TRPM3: variants seen among roughly 807,000 people sequenced by gnomAD.
TRPM3 encodes the protein long transient receptor potential channel 3.
In TRPM3, 77 loss-of-function variants were observed where a neutral mutation model predicts 181.2. The observed-to-expected ratio is 0.42, with a 90% CI of 0.35 to 0.51. The LOEUF (loss-of-function observed/expected upper bound fraction) is 0.51, where lower values mean the gene tolerates loss of function less well. Ranked by LOEUF, TRPM3 falls within the 20% of genes least tolerant of loss-of-function variation. The probability of loss-of-function intolerance (pLI) is 0.01; values close to 1 mark genes in which losing one functional copy is unlikely to be tolerated. For synonymous variants in TRPM3, 745 were observed against 796.4 expected, an observed-to-expected ratio of 0.94 and a Z score of 1.09; for missense variants, 1,759 against 2,196.7, an observed-to-expected ratio of 0.80 and a Z score of 3.98.
chr9:71,327,346 T>C (rs990778367), intron 1 of TRPM3, among the ~76,000 whole-genome samples: 10 of 152,214 alleles, frequency 6.6e-5, no homozygotes, highest in Non-Finnish European at 1.2e-4. Flanking sequence ...GGGGGATGTC[T>C]AACCACCTGT....
intron 1 of TRPM3, among the ~76,000 whole-genome samples, chr9:71,279,047 AAATAAAAATAAAAAT>A (rs1565414223): frequency 4.7e-5 from 6 of 127,082 alleles, no homozygotes; most frequent in East Asian, 4.1e-4. Context: ...AAAAAAATAA[AAATAAAAATAAAAAT>A]AAAAAAACCA....
chr9:71,071,325 G>C (rs913429517), intron 1 of TRPM3, among the ~76,000 whole-genome samples: 1 of 152,118 alleles, frequency 6.6e-6, no homozygotes, highest in Non-Finnish European at 1.5e-5. Flanking sequence ...TTTTATTTGA[G>C]GCACTGTATT....
chr9:71,150,106 G>T (rs17056345), intron 1 of TRPM3, among the ~76,000 whole-genome samples: 1 of 151,932 alleles, frequency 6.6e-6, no homozygotes, highest in African/African-American at 2.4e-5. Context: ...AAAAAAATTA[G>T]AGGGCAGAAA....
At chr9:71,427,831 T>C (rs963075343) in intron 1 of TRPM3, among the ~76,000 whole-genome samples, 2 of 152,166 alleles carry the variant, frequency 1.3e-5, no homozygotes, top group Non-Finnish European at 2.9e-5. Flanking sequence ...ATCTGGATGA[T>C]GGATTCAACT....
intron 6 of TRPM3, among the ~76,000 whole-genome samples, chr9:70,803,024 G>A (rs1468607419): frequency 1.5e-5 from 1 of 68,022 alleles, no homozygotes; most frequent in Non-Finnish European, 2.9e-5. Flanking sequence ...CTTGCCTGGA[G>A]AAATTTTGTA....
chr9:71,441,780 G>A (rs761598348), intron 1 of TRPM3, among the ~76,000 whole-genome samples: 37 of 151,814 alleles, frequency 2.4e-4, no homozygotes, highest in African/African-American at 8.0e-4. Context: ...CTACAGTCGC[G>A]CACTACCACC....
intron 1 of TRPM3, among the ~76,000 whole-genome samples, chr9:71,033,485 C>G (rs1443771619): frequency 2.0e-5 from 3 of 152,230 alleles, no homozygotes; most frequent in East Asian, 3.9e-4. Flanking sequence ...AATAAAGACT[C>G]AAAACACTTC....
At chr9:70,844,497 A>G (rs1028039370) in intron 4 of TRPM3, among the ~76,000 whole-genome samples, 2 of 152,192 alleles carry the variant, frequency 1.3e-5, no homozygotes, top group Non-Finnish European at 2.9e-5. Context: ...AAACTCCCCC[A>G]AAAAAGGCTG....
intron 1 of TRPM3, among the ~76,000 whole-genome samples, chr9:71,096,591 C>CTCTT (rs1491524639): frequency 2.6e-5 from 1 of 38,384 alleles, no homozygotes; most frequent in East Asian, 6.1e-4. Flanking sequence ...CACACACACA[C>CTCTT]TCTCTCTCTC....
intron 1 of TRPM3, among the ~76,000 whole-genome samples, chr9:70,972,231 AT>A (rs1321632148): frequency 3.9e-5 from 6 of 152,244 alleles, no homozygotes; most frequent in Non-Finnish European, 7.3e-5. Flanking sequence ...TTATTCAGCC[AT>A]AAAAAGGAAT....
rs564148762 is a variant in TRPM3 at position 70,921,908 on chromosome 9, G to A, written c.178-57397C>T. Among the ~76,000 whole-genome samples, 14 of 126,392 alleles carry A rather than the reference G, an allele frequency of 1.1e-4. No homozygotes were observed. The South Asian group carries it at 3.6e-3, about 32-fold the overall frequency. The allele number at this position is 126,392 out of a possible 152,430, so 82.9% of individuals were successfully genotyped here. Reference sequence around the variant, plus strand: ...CCCAACGGAGCTTTAAGATGGGTTGGCAGCCACTATACACACACACACACA... The same window carrying A: ...CCCAACGGAGCTTTAAGATGGGTTGACAGCCACTATACACACACACACACA... On this transcript the variant is annotated intron_variant, in intron 1 of 25. Transcript: ENST00000677713.
chr9:71,396,119 G>C (rs944401811), intron 1 of TRPM3, among the ~76,000 whole-genome samples: 4 of 152,100 alleles, frequency 2.6e-5, no homozygotes, highest in Admixed American at 1.3e-4. Context: ...ATTCAAGCAG[G>C]CAAGTGACAA....
chr9:71,058,627 T>C (rs1314036753), intron 1 of TRPM3, among the ~76,000 whole-genome samples: 2 of 152,042 alleles, frequency 1.3e-5, no homozygotes, highest in East Asian at 3.9e-4. Context: ...TCTAGAGTCA[T>C]CTTTTAGGCT....
intron 22 of TRPM3, among the ~76,000 whole-genome samples, chr9:70,560,065 T>G (rs1478607541): frequency 6.6e-6 from 1 of 152,180 alleles, no homozygotes; most frequent in East Asian, 1.9e-4. Context: ...TAAACATCTG[T>G]GGAAAGCATA....
intron 1 of TRPM3, among the ~76,000 whole-genome samples, chr9:71,196,182 T>C (rs1587890686): frequency 6.6e-6 from 1 of 151,836 alleles, no homozygotes; most frequent in Admixed American, 6.6e-5. Flanking sequence ...TGTGTGTGTG[T>C]GTGTGTGTGT....
chr9:71,251,747 T>C (rs376941026), intron 1 of TRPM3, among the ~76,000 whole-genome samples: 2 of 152,304 alleles, frequency 1.3e-5, no homozygotes, highest in South Asian at 2.1e-4. Context: ...TTTTAAAATA[T>C]ACAATTAAAT....
At chr9:70,935,851 C>G (rs1026132375) in intron 1 of TRPM3, among the ~76,000 whole-genome samples, 3 of 152,164 alleles carry the variant, frequency 2.0e-5, no homozygotes, top group Admixed American at 2.0e-4. Flanking sequence ...GTTGTTCACT[C>G]CAATCAGTTA....
intron 1 of TRPM3, among the ~76,000 whole-genome samples, chr9:71,029,375 G>A (rs940799145): frequency 3.3e-5 from 5 of 152,058 alleles, no homozygotes; most frequent in African/African-American, 1.2e-4. Context: ...CTTAAATGGA[G>A]GAATTATTTA....
At chr9:70,673,002 T>C (rs2063277661) in intron 9 of TRPM3, among the ~76,000 whole-genome samples, 1 of 152,100 alleles carries the variant, frequency 6.6e-6, no homozygotes. Flanking sequence ...AGCCAGGGAA[T>C]CTTGTATCTT....
Sources: gnomAD v4.1 joint callset for allele counts (sites outside exome capture counted in the v4.1 genomes callset) on GRCh38, gnomAD v4.1.1 for gene constraint, MANE v1.5 for transcripts, NCBI Gene and HGNC (gene_info 2026-07-23, HGNC 2026-07-21) for gene names.